RBFOX1: variants seen among roughly 807,000 people sequenced by gnomAD.
RBFOX1 encodes the protein RNA binding protein fox-1 homolog 1.
Under a neutral mutation model 57.7 loss-of-function variants are expected in RBFOX1, and 8 were observed. The ratio of observed to expected loss-of-function variants is 0.14; its 90% CI spans 0.08 to 0.25. The LOEUF is 0.25. Ranked by LOEUF, RBFOX1 falls within the 10% of genes least tolerant of loss-of-function variation. RBFOX1 has a pLI of 1.00. For missense variants in RBFOX1, 611 were observed against 548.5 expected (o/e 1.11, Z -1.14); for synonymous variants, 326 against 222.4 (o/e 1.47, Z -4.15).
rs115188400 is a variant in RBFOX1 at position 5,438,656 on chromosome 16, A to G, written c.220-28560A>G. On this transcript the variant is annotated intron_variant, in intron 1 of 2. Transcript: ENST00000585867. The stretch of plus-strand genomic sequence containing the variant: ...GCCCATGGAAGTATACGAAAAATCA[A>G]TTGCACCCTCTTATGGGAAGCAAGG... Among the ~76,000 whole-genome samples, 1,263 of 152,164 alleles carry G rather than the reference A, an allele frequency of 8.3e-3. 20 individuals carry two copies. The highest frequency in any genetic ancestry group is 0.028 in the African/African-American group (1,156 of 41,508).
intron 3 of RBFOX1, among the ~76,000 whole-genome samples, chr16:6,941,450 A>C (rs1442158354): frequency 6.6e-6 from 1 of 151,826 alleles, no homozygotes; most frequent in East Asian, 1.9e-4. Context: ...TAAACACCAA[A>C]GTCCTCTAAC....
At chr16:6,975,788 G>A (rs1262240898) in intron 3 of RBFOX1, among the ~76,000 whole-genome samples, 4 of 152,126 alleles carry the variant, frequency 2.6e-5, no homozygotes, top group Non-Finnish European at 5.9e-5. Context: ...GTAATTAGGA[G>A]CTTGCTGAGT....
chr16:7,473,773 T>A (rs1430356028), intron 4 of RBFOX1, among the ~76,000 whole-genome samples: 1 of 152,096 alleles, frequency 6.6e-6, no homozygotes, highest in Non-Finnish European at 1.5e-5. Context: ...TGTTCATACA[T>A]GAATGGAGTG....
intron 3 of RBFOX1, among the ~76,000 whole-genome samples, chr16:6,751,560 G>C (rs1431148203): frequency 6.6e-6 from 1 of 152,168 alleles, no homozygotes; most frequent in Non-Finnish European, 1.5e-5. Flanking sequence ...TAGAAAGGTA[G>C]AACATACAGT....
rs189057678 is a variant in RBFOX1, at chr16:6,509,032, A to T, written c.-63-145571A>T. Among the ~76,000 whole-genome samples, 698 of 152,294 alleles carry T rather than the reference A, an allele frequency of 4.6e-3. 6 individuals carry two copies. The highest frequency in any genetic ancestry group is 9.3e-3 in the South Asian group (45 of 4,826). On this transcript the variant is annotated intron_variant, in intron 2 of 15. Coordinates refer to ENST00000550418, the MANE Select transcript of RBFOX1 (RefSeq NM_018723.4). ...AGTTAAGATCACCCTTCTTCATGGC[A>T]CCATACATTTGGATGAGATTTTAAA...
intron 4 of RBFOX1, among the ~76,000 whole-genome samples, chr16:7,249,759 C>A (rs2153012397): frequency 6.6e-6 from 1 of 152,256 alleles, no homozygotes; most frequent in African/African-American, 2.4e-5. Flanking sequence ...AACAAACCGA[C>A]AGTGATGAGC....
At chr16:6,968,779 A>G (rs1385037282) in intron 3 of RBFOX1, among the ~76,000 whole-genome samples, 1 of 150,972 alleles carries the variant, frequency 6.6e-6, no homozygotes, top group Non-Finnish European at 1.5e-5. Flanking sequence ...AAAGTAGCTG[A>G]TTACCTTCAT....
chr16:6,342,287 C>T (rs1483518753), intron 2 of RBFOX1, among the ~76,000 whole-genome samples: 7 of 151,888 alleles, frequency 4.6e-5, no homozygotes, highest in South Asian at 4.2e-4. Context: ...GATGGCACCA[C>T]GAAGATGGAC....
At chr16:5,620,907 C>A (rs770294288) in intron 3 of RBFOX1, among the ~76,000 whole-genome samples, 49 of 151,690 alleles carry the variant, frequency 3.2e-4, no homozygotes, top group Middle Eastern at 6.8e-3. Context: ...GGAGTGTGAT[C>A]TCGGCTCACT....
chr16:7,599,719 C>G (rs1451990230), intron 9 of RBFOX1, among the ~76,000 whole-genome samples: 1 of 138,632 alleles, frequency 7.2e-6, no homozygotes, highest in South Asian at 2.3e-4. Context: ...GCTATTGGCT[C>G]ATTGCACCCT....
chr16:6,105,974 C>T (rs553879128), intron 1 of RBFOX1, among the ~76,000 whole-genome samples: 2 of 152,096 alleles, frequency 1.3e-5, no homozygotes, highest in South Asian at 4.1e-4. Context: ...CCCCCCAGCT[C>T]TTTACACTAA....
At chr16:5,431,456 C>T (rs990622930) in intron 1 of RBFOX1, among the ~76,000 whole-genome samples, 1 of 151,998 alleles carries the variant, frequency 6.6e-6, no homozygotes, top group African/African-American at 2.4e-5. Flanking sequence ...CTCACTACAA[C>T]CTCCGCCTCC....
intron 4 of RBFOX1, among the ~76,000 whole-genome samples, chr16:7,256,856 T>G (rs9302843): frequency 0.5 from 75,433 of 151,962 alleles, 19,245 homozygotes; most frequent in Middle Eastern, 0.6. Context: ...TACCTGTCAC[T>G]TCCCTATCCC....
chr16:6,569,794 T>C (rs1229164151), intron 2 of RBFOX1, among the ~76,000 whole-genome samples: 1 of 152,184 alleles, frequency 6.6e-6, no homozygotes, highest in Non-Finnish European at 1.5e-5. Context: ...AGTGGCTGAA[T>C]TCCACGGCTG....
At chr16:7,448,817 C>T (rs1256687309) in intron 4 of RBFOX1, among the ~76,000 whole-genome samples, 1 of 151,982 alleles carries the variant, frequency 6.6e-6, no homozygotes, top group Admixed American at 6.6e-5. Context: ...GGGCACCAGC[C>T]ATTGGATTTA....
At position 5,651,040 on chromosome 16, in the gene RBFOX1, C is replaced by CTTTTTTTTTTTTTTT. The variant is rs869240597; in HGVS notation, c.318+52095_318+52109dup. Among the ~76,000 whole-genome samples the CTTTTTTTTTTTTTTT allele has an allele frequency of 1.1e-3, 63 of 56,896 alleles. 22 individuals are homozygous for CTTTTTTTTTTTTTTT. The highest frequency in any genetic ancestry group is 4.4e-3 in the Admixed American group (12 of 2,758). 37.3% of individuals were successfully genotyped at this position (56,896 alleles called of 152,430 possible). ...TCCTCTGGGAGAACACTACCTCCTT[C>CTTTTTTTTTTTTTTT]TTTTTTTTTTTTTTTTTTTTTTTTT... On this transcript the variant is annotated intron_variant, in intron 3 of 19. Transcript: ENST00000641259.
chr16:7,055,576 C>G (rs925728240), intron 4 of RBFOX1, among the ~76,000 whole-genome samples: 2 of 152,168 alleles, frequency 1.3e-5, no homozygotes. Context: ...TTGCATTTTA[C>G]TGCAGGAAAA....
At chr16:6,972,094 T>C (rs2085686511) in intron 3 of RBFOX1, among the ~76,000 whole-genome samples, 1 of 152,210 alleles carries the variant, frequency 6.6e-6, no homozygotes, top group Admixed American at 6.5e-5. Flanking sequence ...TTTTTTCCCA[T>C]TGTGCTAAAA....
intron 4 of RBFOX1, among the ~76,000 whole-genome samples, chr16:7,289,287 T>C (rs1354530353): frequency 2.0e-5 from 3 of 152,264 alleles, no homozygotes; most frequent in Admixed American, 6.5e-5. Flanking sequence ...GCTCCCTTTG[T>C]TTCTAGCCTA....
Sources: allele counts gnomAD v4.1 joint callset (sites outside exome capture counted in the v4.1 genomes callset), GRCh38; gene constraint gnomAD v4.1.1; transcripts MANE v1.5; gene names NCBI Gene and HGNC (gene_info 2026-07-23, HGNC 2026-07-21).